The following KCNH7 variants were observed in gnomAD, a reference collection of about 807,000 sequenced individuals.
The protein encoded by KCNH7 is voltage-gated inwardly rectifying potassium channel KCNH7.
A neutral mutation model predicts 120.8 loss-of-function variants in KCNH7; 49 were observed. That is an observed-to-expected ratio of 0.41 (90% CI 0.32 to 0.51). The LOEUF (loss-of-function observed/expected upper bound fraction) is 0.51. KCNH7 is among the 20% of genes least tolerant of loss of function. KCNH7 has a pLI of 0.38. For synonymous variants in KCNH7, 547 were observed against 516.1 expected (o/e 1.06, Z -0.81); for missense variants, 1,097 against 1,446.6 (o/e 0.76, Z 3.92).
intron 2 of KCNH7, among the ~76,000 whole-genome samples, chr2:162,561,321 C>A (rs530287335): frequency 6.6e-6 from 1 of 151,996 alleles, no homozygotes; most frequent in East Asian, 1.9e-4. Flanking sequence ...TGAAAAGAAT[C>A]GACATTTCAT....
At chr2:162,652,431 TG>T (rs1304392251) in intron 2 of KCNH7, among the ~76,000 whole-genome samples, 1 of 150,934 alleles carries the variant, frequency 6.6e-6, no homozygotes, top group Non-Finnish European at 1.5e-5. Flanking sequence ...GTGGAGAGTG[TG>T]GGGGGAGGGG....
chr2:162,651,351 T>A (rs1322388841), intron 2 of KCNH7, among the ~76,000 whole-genome samples: 1 of 152,068 alleles, frequency 6.6e-6, no homozygotes, highest in African/African-American at 2.4e-5. Flanking sequence ...TCTTTTCCAC[T>A]CCTCTCCCTC....
intron 3 of KCNH7, among the ~76,000 whole-genome samples, chr2:162,534,873 G>A (rs1429584824): frequency 6.6e-6 from 1 of 151,572 alleles, no homozygotes; most frequent in Non-Finnish European, 1.5e-5. Context: ...TGCGTTAAGA[G>A]AACCCAACAA....
intron 3 of KCNH7, among the ~76,000 whole-genome samples, chr2:162,520,315 G>C (rs1156371300): frequency 6.6e-6 from 1 of 151,054 alleles, no homozygotes; most frequent in South Asian, 2.1e-4. Context: ...TTCACCTCCT[G>C]AATATCTGTT....
At chr2:162,378,343 A>T (rs138855175) in intron 14 of KCNH7, among the ~76,000 whole-genome samples, 2 of 152,340 alleles carry the variant, frequency 1.3e-5, no homozygotes, top group East Asian at 3.9e-4. Context: ...ATGCTCACCA[A>T]TTGCAAGTAC....
chr2:162,655,630 A>T (rs1684725708), intron 2 of KCNH7, among the ~76,000 whole-genome samples: 1 of 141,640 alleles, frequency 7.1e-6, no homozygotes, highest in Non-Finnish European at 1.5e-5. Flanking sequence ...ACTAAAAATA[A>T]AGAAAAAAAA....
At chr2:162,661,713 C>T (rs1684965016) in intron 2 of KCNH7, among the ~76,000 whole-genome samples, 2 of 151,906 alleles carry the variant, frequency 1.3e-5, no homozygotes, top group African/African-American at 4.8e-5. Context: ...ATATCATAAA[C>T]TTCATGGGAT....
chr2:162,587,360 T>A (rs1470684092), intron 2 of KCNH7, among the ~76,000 whole-genome samples: 2 of 152,102 alleles, frequency 1.3e-5, no homozygotes, highest in African/African-American at 4.8e-5. Flanking sequence ...GAGCATAGAT[T>A]TTCTTCCTCC....
rs535384397 is a variant in KCNH7, at chr2:162,482,420, A to C, written c.1128+22023T>G. Among the ~76,000 whole-genome samples, 3 of 152,092 alleles carry C rather than the reference A, an allele frequency of 2.0e-5. No homozygotes were observed. In the East Asian group the frequency reaches 5.8e-4, roughly 29 times the overall value. ...CTTTGGGGTGAGGAGCAAATGCCAAAATGTCTTCTGTGGTGTGTGTGTGTG... is the reference window on the plus strand; with the variant it reads ...CTTTGGGGTGAGGAGCAAATGCCAACATGTCTTCTGTGGTGTGTGTGTGTG... On this transcript the variant is annotated intron_variant, in intron 6 of 15. Coordinates refer to ENST00000332142, the MANE Select transcript of KCNH7 (RefSeq NM_033272.4).
intron 2 of KCNH7, among the ~76,000 whole-genome samples, chr2:162,696,832 T>C (rs1686307128): frequency 6.6e-6 from 1 of 152,178 alleles, no homozygotes; most frequent in South Asian, 2.1e-4. Context: ...TCAATGAGAA[T>C]AATAATTGCA....
chr2:162,474,028 T>C (rs1689652028), intron 6 of KCNH7, among the ~76,000 whole-genome samples: 1 of 152,224 alleles, frequency 6.6e-6, no homozygotes, highest in African/African-American at 2.4e-5. Flanking sequence ...AATAACAACC[T>C]ACCCTTCTTA....
intron 2 of KCNH7, among the ~76,000 whole-genome samples, chr2:162,699,518 C>A (rs567141773): frequency 1.0e-3 from 158 of 152,164 alleles, no homozygotes; most frequent in African/African-American, 3.7e-3. Flanking sequence ...GTAATGTGTT[C>A]TTTTTTGTTG....
intron 9 of KCNH7, among the ~76,000 whole-genome samples, chr2:162,409,844 G>T (rs992073111): frequency 2.6e-5 from 4 of 151,774 alleles, no homozygotes; most frequent in African/African-American, 9.7e-5. Context: ...GCCACATAAA[G>T]AATAAAATAT....
At chr2:162,621,706 T>C (rs2105195918) in intron 2 of KCNH7, among the ~76,000 whole-genome samples, 1 of 152,300 alleles carries the variant, frequency 6.6e-6, no homozygotes, top group Middle Eastern at 3.4e-3. Context: ...TAAGTGTTAT[T>C]GGCTGGTTAT....
intron 2 of KCNH7, among the ~76,000 whole-genome samples, chr2:162,644,613 G>A (rs1684287561): frequency 6.6e-6 from 1 of 152,070 alleles, no homozygotes; most frequent in Non-Finnish European, 1.5e-5. Context: ...AGAGATAATG[G>A]CCATTCATTT....
At chr2:162,623,155 G>A (rs1477166471) in intron 2 of KCNH7, among the ~76,000 whole-genome samples, 1 of 152,044 alleles carries the variant, frequency 6.6e-6, no homozygotes, top group Non-Finnish European at 1.5e-5. Flanking sequence ...TTCTACTAGG[G>A]CCTGGTGATT....
chr2:162,609,019 T>G (rs1021383654), intron 2 of KCNH7, among the ~76,000 whole-genome samples: 1 of 152,164 alleles, frequency 6.6e-6, no homozygotes, highest in African/African-American at 2.4e-5. Flanking sequence ...ATAATGGCTC[T>G]ACCAAACAAG....
chr2:162,381,614 G>A (rs970051120), intron 13 of KCNH7, among the ~76,000 whole-genome samples: 1 of 152,066 alleles, frequency 6.6e-6, no homozygotes, highest in Non-Finnish European at 1.5e-5. Flanking sequence ...GAAAAATATA[G>A]GATCAGAGTT....
chr2:162,626,281 T>A (rs1008920176), intron 2 of KCNH7, among the ~76,000 whole-genome samples: 2 of 152,158 alleles, frequency 1.3e-5, no homozygotes, highest in Non-Finnish European at 2.9e-5. Flanking sequence ...AAAGCTGGCA[T>A]ATTTGGATGA....
Sources: gnomAD v4.1 joint callset for allele counts (sites outside exome capture counted in the v4.1 genomes callset) on GRCh38, gnomAD v4.1.1 for gene constraint, MANE v1.5 for transcripts, NCBI Gene and HGNC (gene_info 2026-07-23, HGNC 2026-07-21) for gene names.